Variants in KNDC1 observed in about 807,000 individuals in gnomAD.
KNDC1 encodes the protein kinase non-catalytic C-lobe domain-containing protein 1.
In KNDC1, 106 loss-of-function variants were observed where a neutral mutation model predicts 172.8. That is an observed-to-expected ratio of 0.61 (90% CI 0.52 to 0.72). The LOEUF (loss-of-function observed/expected upper bound fraction) is 0.72, where lower values mean the gene tolerates loss of function less well. KNDC1 is among the 30% of genes least tolerant of loss of function. The pLI is 0.00. For synonymous variants in KNDC1, 1,083 were observed against 1,062.2 expected, an observed-to-expected ratio of 1.02 and a Z score of -0.38; for missense variants, 2,325 against 2,394.5, an observed-to-expected ratio of 0.97 and a Z score of 0.61.
chr10:133,185,867 G>A (rs1461444169), intron 5 of KNDC1, 107 bp from the exon 6 acceptor site: 17 of 369,636 alleles, frequency 4.6e-5, no homozygotes, highest in South Asian at 1.6e-4. Flanking sequence ...AGGTGGGAGG[G>A]GAGGGGTGGG....
At chr10:133,202,993 A>G (rs981839141) in intron 17 of KNDC1, among the ~76,000 whole-genome samples, 98 of 152,012 alleles carry the variant, frequency 6.4e-4, no homozygotes, top group African/African-American at 2.3e-3. Flanking sequence ...CAGCCCCCAA[A>G]CTCACGGCGT....
Position 133,199,605 on chromosome 10 carries a change from G to C in KNDC1, c.2903+3G>C. 1 of 1,612,912 alleles carries C rather than the reference G, an allele frequency of 6.2e-7. No homozygotes were observed. The highest frequency in any genetic ancestry group is 8.5e-7 in the Non-Finnish European group (1 of 1,179,768). On this transcript the variant is annotated splice_donor_region_variant and intron_variant, in intron 15 of 29. Coordinates refer to ENST00000304613, the MANE Select transcript of KNDC1 (RefSeq NM_152643.8). ...GGGCAGGCGTCACCCTCCCCAAGGT[G>C]GGTGCCCAGTTCGGCCCTGCATTCC...
chr10:133,200,504 C>T, intron 16 of KNDC1, 44 bp downstream of exon 16: 1 of 1,382,810 alleles, frequency 7.2e-7, no homozygotes, highest in Non-Finnish European at 9.6e-7. Flanking sequence ...TGCTGGGCGG[C>T]TCCTCTGTGC....
At chr10:133,195,636 G>C (rs748466930) in intron 9 of KNDC1, 27 bp from the exon 10 acceptor site, 1 of 1,520,394 alleles carries the variant, frequency 6.6e-7, no homozygotes, top group Admixed American at 2.0e-5. Flanking sequence ...CCCTGCGGTA[G>C]ACACTATTCT....
At chr10:133,196,486 G>C (rs900560024) in intron 10 of KNDC1, among the ~76,000 whole-genome samples, 1 of 151,940 alleles carries the variant, frequency 6.6e-6, no homozygotes. Flanking sequence ...GGGGAGCGGA[G>C]ACGGCCATGG....
intron 15 of KNDC1, 42 bp downstream of exon 15, chr10:133,199,644 T>A (rs200184893): frequency 6.2e-7 from 1 of 1,602,330 alleles, no homozygotes; most frequent in East Asian, 2.2e-5. Flanking sequence ...CCCTCCCTGA[T>A]GCCCACTGTG....
intron 3 of KNDC1, among the ~76,000 whole-genome samples, chr10:133,176,013 G>A (rs1853527156): frequency 6.6e-6 from 1 of 151,482 alleles, no homozygotes; most frequent in South Asian, 2.1e-4. Flanking sequence ...TGGGTGAATG[G>A]ATGGGTGGAT....
chr10:133,178,627 G>A (rs991723880), intron 3 of KNDC1, among the ~76,000 whole-genome samples: 2 of 151,888 alleles, frequency 1.3e-5, no homozygotes, highest in African/African-American at 4.8e-5. Context: ...CTCCCCATGC[G>A]ATCTGAGTGA....
intron 1 of KNDC1, among the ~76,000 whole-genome samples, chr10:133,166,990 G>T (rs1306827846): frequency 2.0e-5 from 3 of 152,198 alleles, no homozygotes; most frequent in African/African-American, 7.2e-5. Context: ...CACAGTTGGG[G>T]ATGTCCACTC....
chr10:133,200,069 C>T (rs973737298), intron 15 of KNDC1, among the ~76,000 whole-genome samples: 3 of 152,250 alleles, frequency 2.0e-5, no homozygotes, highest in East Asian at 1.9e-4. Flanking sequence ...GCCAGCAGCC[C>T]GGGCAGCTCC....
rs1845680647 is a variant in KNDC1 at position 133,224,530 on chromosome 10, A to T, written c.5019-129A>T. Reference sequence around the variant, plus strand: ...CCTCGCCAATAAATACAGACAACCCACCCTTCAGAATTTACACGGTGAAAA... The same window carrying T: ...CCTCGCCAATAAATACAGACAACCCTCCCTTCAGAATTTACACGGTGAAAA... On this transcript the variant is annotated intron_variant, in intron 29 of 29. Coordinates refer to ENST00000304613, the MANE Select transcript of KNDC1 (RefSeq NM_152643.8). The surrounding 1 kb of genome is among the most constrained non-coding windows in gnomAD (Gnocchi z 5.4). The T allele has an allele frequency of 1.5e-6, 1 of 675,180 alleles. No individual in the cohort carries two copies. Among genetic ancestry groups the T allele is most frequent in the Non-Finnish European group, 2.6e-6 (1 of 389,790 alleles). The allele number at this position is 675,180 out of a possible 1,614,324, so 41.8% of individuals were successfully genotyped here.
intron 3 of KNDC1, among the ~76,000 whole-genome samples, chr10:133,179,667 C>A (rs1015696894): frequency 1.3e-5 from 2 of 152,218 alleles, no homozygotes; most frequent in Admixed American, 6.5e-5. Context: ...ACGTCCACTT[C>A]ACGTGCGTGG....
At position 133,220,025 on chromosome 10, in the gene KNDC1, C is replaced by CG; in HGVS notation, c.4933dup (p.Ala1645GlyfsTer77). On this transcript the variant is annotated frameshift_variant, in exon 29 of 30. Transcript: ENST00000304613. LOFTEE classifies it high-confidence loss of function. ...TTCCGGGCGCAGCCCACCCTGCCCT[C>CG]GGCCCACCTCCTGGCCATGCACATC... is the stretch of plus-strand genomic sequence containing the variant. 1 of 1,555,296 alleles carries CG rather than the reference C, an allele frequency of 6.4e-7. No individual in the cohort carries two copies. Among genetic ancestry groups the CG allele is most frequent in the Non-Finnish European group, 8.7e-7 (1 of 1,149,398 alleles).
chr10:133,176,858 C>T (rs1853551164), intron 3 of KNDC1, among the ~76,000 whole-genome samples: 1 of 152,246 alleles, frequency 6.6e-6, no homozygotes, highest in Non-Finnish European at 1.5e-5. Context: ...TTGGCCACAG[C>T]CGAGAATGCT....
At chr10:133,178,983 G>A (rs898703065) in intron 3 of KNDC1, 2 of 152,232 alleles carry the variant, frequency 1.3e-5, no homozygotes, top group Non-Finnish European at 2.9e-5. Context: ...TGGGAGGCTC[G>A]ACTCCTTCTC....
intron 9 of KNDC1, among the ~76,000 whole-genome samples, chr10:133,193,345 C>T (rs1202164846): frequency 6.6e-6 from 1 of 152,082 alleles, no homozygotes; most frequent in Non-Finnish European, 1.5e-5. Flanking sequence ...GCCAAGATGA[C>T]GAAACCCTGT....
At chr10:133,168,120 A>G in intron 2 of KNDC1, 134 bp from the exon 3 acceptor site, 1 of 774,838 alleles carries the variant, frequency 1.3e-6, no homozygotes, top group South Asian at 1.4e-5. Context: ...TTCATGGCCT[A>G]AAATGGTCTG....
At chr10:133,162,419 G>A (rs534488852) in intron 1 of KNDC1, among the ~76,000 whole-genome samples, 1 of 152,324 alleles carries the variant, frequency 6.6e-6, no homozygotes, top group African/African-American at 2.4e-5. Context: ...AAGCACGGTG[G>A]CGCCAGGCCC....
At chr10:133,222,590 TGA>T (rs1304949711) in intron 29 of KNDC1, among the ~76,000 whole-genome samples, 1 of 36,156 alleles carries the variant, frequency 2.8e-5, no homozygotes, top group African/African-American at 8.0e-5. Flanking sequence ...TGTGTGTGTG[TGA>T]GAGCCCATCC....
Sources: gnomAD v4.1 joint callset for allele counts (sites outside exome capture counted in the v4.1 genomes callset) on GRCh38, gnomAD v4.1.1 for gene constraint, Gnocchi (gnomAD v3.1) non-coding constraint, MANE v1.5 for transcripts, NCBI Gene and HGNC (gene_info 2026-07-23, HGNC 2026-07-21) for gene names.